The following BRPF1 variants were observed in gnomAD, a reference collection of about 807,000 sequenced individuals.
BRPF1 encodes peregrin.
BRPF1 carries 15 observed loss-of-function variants against 115.0 expected under a neutral mutation model. That is an observed-to-expected ratio of 0.13 (90% confidence interval 0.09 to 0.20). The LOEUF (loss-of-function observed/expected upper bound fraction) is 0.20, where lower values mean the gene tolerates loss of function less well. Among genes scored for constraint, BRPF1 ranks in the 10% least tolerant of loss-of-function variants. The probability of loss-of-function intolerance (pLI) is 1.00; values close to 1 mark genes in which losing one functional copy is unlikely to be tolerated. For missense variants in BRPF1, 1,118 were observed against 1,638.3 expected (o/e 0.68, Z 5.48); for synonymous variants, 647 against 619.8 (o/e 1.04, Z -0.65).
Position 9,739,679 on chromosome 3 carries a change from G to A in BRPF1, c.1280G>A (p.Arg427Gln). 4 of 1,613,236 alleles carry A rather than the reference G, an allele frequency of 2.5e-6. No individual in the cohort carries two copies. The highest frequency in any genetic ancestry group is 3.4e-6 in the Non-Finnish European group (4 of 1,179,190). Residue 427 changes from arginine to glutamine, a missense_variant, in exon 3 of 14, where the codon CGG (arginine) becomes CAG (glutamine). Transcript: ENST00000383829. Reference sequence around the variant, plus strand: ...CTTTACATGAAGATGGAGCCTGTGCGGGAGACAGGCGCCAACGGCACCTCT... The same window carrying A: ...CTTTACATGAAGATGGAGCCTGTGCAGGAGACAGGCGCCAACGGCACCTCT... ...AGLYMKMEPV[R>Q]ETGANGTSFS...
At chr3:9,742,795 C>T in intron 6 of BRPF1, 149 bp from the exon 7 acceptor site, 1 of 943,620 alleles carries the variant, frequency 1.1e-6, no homozygotes, top group Non-Finnish European at 1.5e-6. Context: ...GACCAGAATC[C>T]AGCTTTCCTT....
In BRPF1 at chr3:9,739,220, C is replaced by T. The variant is rs866641791; in HGVS notation, c.821C>T (p.Ala274Val). 6.2e-7 allele frequency: 1 copy of T among 1,613,556 alleles called. No homozygotes were observed. Among genetic ancestry groups the T allele is most frequent in the Non-Finnish European group, 8.5e-7 (1 of 1,179,548 alleles). ...GDPNALVDED[A>V]VCCICNDGEC... ...CCTAATGCGCTAGTGGACGAGGATG[C>T]TGTTTGCTGTATCTGCAATGATGGT... The change falls in exon 3 of 14, where the codon GCT (alanine) becomes GTT (valine). Residue 274 changes from alanine to valine, a missense_variant. Physicochemically the swap from Ala to Val is moderately conservative, Grantham distance 64. Around this residue, in one of 10 missense-constraint regions of BRPF1, gnomAD observed 280 missense variants for 382.8 expected, o/e 0.73. Coordinates refer to ENST00000383829, the MANE Select transcript of BRPF1 (RefSeq NM_001003694.2).
In BRPF1 at chr3:9,740,950, T is replaced by A; in HGVS notation, c.1722+9T>A. The A allele has an allele frequency of 6.2e-7, 1 of 1,607,934 alleles. No homozygotes were observed. The highest frequency in any genetic ancestry group is 1.1e-5 in the South Asian group (1 of 90,908). Reference sequence around the variant, plus strand: ...ACTGTGACCAAGTTGGGGTACTGTGTCCAGTTCCCTGTGGGCTCTGGGAAC... The same window carrying A: ...ACTGTGACCAAGTTGGGGTACTGTGACCAGTTCCCTGTGGGCTCTGGGAAC... On this transcript the variant is annotated intron_variant, in intron 4 of 13. Transcript: ENST00000383829.
intron 1 of BRPF1, chr3:9,732,426 C>G (rs2076868986): frequency 6.6e-6 from 1 of 152,218 alleles, no homozygotes; most frequent in Non-Finnish European, 1.5e-5. Context: ...GGGCCCAGCC[C>G]TATCCCTCCG....
intron 9 of BRPF1, 26 bp downstream of exon 9, chr3:9,744,534 C>G (rs760352831): frequency 2.8e-5 from 41 of 1,476,882 alleles, no homozygotes; most frequent in Non-Finnish European, 3.5e-5. Context: ...ACCCAGCCCC[C>G]CAAGAGAGTG....
At chr3:9,744,670 A>C (rs764815060) in intron 9 of BRPF1, among the ~76,000 whole-genome samples, 162 bp downstream of exon 9, 25 of 152,214 alleles carry the variant, frequency 1.6e-4, no homozygotes, top group Non-Finnish European at 2.4e-4. Context: ...GGGAAAACTG[A>C]GGCCCAGAGA....
rs772224645 is a variant in BRPF1, at chr3:9,743,697, C to T, written c.2431C>T (p.Arg811Cys). The part of the protein sequence containing the change: ...EVNASKQSVG[R>C]SRRAKMIKKE... ...GAATGCCAGCAAGCAGAGTGTGGGC[C>T]GCTCACGGCGTGCAAAGATGATCAA... Residue 811 changes from arginine to cysteine, a missense_variant, in exon 8 of 14, where the codon CGC (arginine) becomes TGC (cysteine). Arg to Cys is a radical substitution (Grantham distance 180). Coordinates refer to ENST00000383829, the MANE Select transcript of BRPF1 (RefSeq NM_001003694.2). The surrounding 1 kb of genome is among the most constrained non-coding windows in gnomAD (Gnocchi z 6.1). The T allele has an allele frequency of 6.2e-6, 10 of 1,614,014 alleles. No individual in the cohort carries two copies. The highest frequency in any genetic ancestry group is 1.3e-5 in the African/African-American group (1 of 74,918).
Position 9,741,430 on chromosome 3 carries a change from A to G in BRPF1, c.1845A>G (p.Lys615=). The G allele has an allele frequency of 6.3e-7, 1 of 1,596,732 alleles. No individual in the cohort carries two copies. The highest frequency in any genetic ancestry group is 8.5e-7 in the Non-Finnish European group (1 of 1,170,044). ...VELIRKREKL[K]RETIKVQQIA... ...TGATCCGCAAGCGGGAAAAACTCAA[A>G]AGGGAGACGGTGAGTGCTCCTGGGC... The change falls in exon 5 of 14, where the codon AAA becomes AAG. Residue 615 remains lysine (K), a synonymous_variant. Coordinates refer to ENST00000383829, the MANE Select transcript of BRPF1 (RefSeq NM_001003694.2).
At chr3:9,741,023 G>A in intron 4 of BRPF1, 82 bp downstream of exon 4, 1 of 1,434,876 alleles carries the variant, frequency 7.0e-7, no homozygotes, top group African/African-American at 1.4e-5. Context: ...AGTTTCCAGT[G>A]TCAGAGGGCT....
chr3:9,742,224 AC>A (rs139917501), intron 6 of BRPF1, 53 bp downstream of exon 6: 35,660 of 1,600,662 alleles, frequency 0.022, 477 homozygotes, highest in Middle Eastern at 0.072. Context: ...TCCCAGTTGG[AC>A]CCCTGCTGCA....
intron 8 of BRPF1, 147 bp from the exon 9 acceptor site, chr3:9,744,077 T>C (rs2077079886): frequency 7.8e-7 from 1 of 1,282,910 alleles, no homozygotes; most frequent in African/African-American, 1.5e-5. Flanking sequence ...TGTATAAGAG[T>C]TAATCTTCCA....
chr3:9,740,997 C>G, intron 4 of BRPF1, 56 bp downstream of exon 4: 1 of 1,542,618 alleles, frequency 6.5e-7, no homozygotes, highest in Non-Finnish European at 8.8e-7. Flanking sequence ...GGACGAAAAC[C>G]AAAATTTGCA....
Position 9,739,201 on chromosome 3 carries a change from G to A in BRPF1, c.802G>A (p.Ala268Thr). The A allele has an allele frequency of 6.2e-7, 1 of 1,613,840 alleles. No individual in the cohort carries two copies. The highest frequency in any genetic ancestry group is 8.5e-7 in the Non-Finnish European group (1 of 1,179,774). The change falls in exon 3 of 14, where the codon GCG becomes ACG. Residue 268 changes from alanine to threonine, a missense_variant. Ala to Thr is a moderately conservative substitution (Grantham distance 58, BLOSUM62 0). Coordinates refer to ENST00000383829, the MANE Select transcript of BRPF1 (RefSeq NM_001003694.2). The stretch of plus-strand genomic sequence containing the variant: ...GAGTCATAATAAAGGCGACCCTAAT[G>A]CGCTAGTGGACGAGGATGCTGTTTG... ...FESHNKGDPN[A>T]LVDEDAVCCI...
In BRPF1 at chr3:9,745,198, T is replaced by A; in HGVS notation, c.3068+43T>A. 1 of 1,599,490 alleles carries A rather than the reference T, an allele frequency of 6.3e-7. No individual in the cohort carries two copies. The highest frequency in any genetic ancestry group is 8.5e-7 in the Non-Finnish European group (1 of 1,173,698). On this transcript the variant is annotated intron_variant, in intron 10 of 13. Coordinates refer to ENST00000383829, the MANE Select transcript of BRPF1 (RefSeq NM_001003694.2). This position sits in a 1 kb window ranked among gnomAD's most constrained non-coding sequence, Gnocchi z 5.1. ...CGAGGCCAACCTCAGGGGATGCCCT[T>A]CCAGGGCTCTTGGGCCTGTGTAGGT...
chr3:9,733,268 A>G (rs1265392587), intron 1 of BRPF1: 6 of 152,288 alleles, frequency 3.9e-5, no homozygotes, highest in Non-Finnish European at 8.8e-5. Flanking sequence ...CAGGAGTCCA[A>G]CGCTAAAGCA....
chr3:9,737,933 T>C (rs1317629021), intron 2 of BRPF1, among the ~76,000 whole-genome samples: 2 of 152,210 alleles, frequency 1.3e-5, no homozygotes, highest in Non-Finnish European at 2.9e-5. Flanking sequence ...AGTATTATCC[T>C]CGTTCTGTCA....
intron 2 of BRPF1, among the ~76,000 whole-genome samples, chr3:9,735,420 C>G (rs1026720791): frequency 6.6e-6 from 1 of 152,216 alleles, no homozygotes; most frequent in Non-Finnish European, 1.5e-5. Context: ...CATCCTGTTT[C>G]TGATTCCTGG....
chr3:9,742,802 C>T (rs559271308), intron 6 of BRPF1, 142 bp from the exon 7 acceptor site: 2 of 977,664 alleles, frequency 2.0e-6, no homozygotes, highest in Admixed American at 2.8e-5. Flanking sequence ...ATCCAGCTTT[C>T]CTTTCCCCTG....
At chr3:9,746,234 T>G in intron 12 of BRPF1, 66 bp from the exon 13 acceptor site, 1 of 1,484,074 alleles carries the variant, frequency 6.7e-7, no homozygotes, top group South Asian at 1.4e-5. Context: ...CTCTCTAAGT[T>G]CTTGAGGAGG....
Sources: gnomAD v4.1 joint callset for allele counts (sites outside exome capture counted in the v4.1 genomes callset) on GRCh38, gnomAD v4.1.1 for gene constraint, gnomAD v4.1.1 regional missense constraint, Gnocchi (gnomAD v3.1) non-coding constraint, MANE v1.5 for transcripts, NCBI Gene and HGNC (gene_info 2026-07-23, HGNC 2026-07-21) for gene names.